Variants in NRG1 observed in about 807,000 individuals in gnomAD.
NRG1 encodes neuregulin 1.
NRG1 carries 18 observed loss-of-function variants against 63.8 expected under a neutral mutation model. The ratio of observed to expected loss-of-function variants is 0.28; its 90% CI spans 0.19 to 0.42. The LOEUF (loss-of-function observed/expected upper bound fraction) is 0.42, where lower values mean the gene tolerates loss of function less well. Among genes scored for constraint, NRG1 ranks in the 10% least tolerant of loss-of-function variants. The pLI is 1.00. For synonymous variants in NRG1, 302 were observed against 301.3 expected (o/e 1.00, Z -0.02); for missense variants, 762 against 814.7 (o/e 0.94, Z 0.79).
At chr8:32,595,268 C>A (rs957498322) in intron 1 of NRG1, among the ~76,000 whole-genome samples, 1 of 152,048 alleles carries the variant, frequency 6.6e-6, no homozygotes, top group African/African-American at 2.4e-5. Flanking sequence ...TGGCTCACTG[C>A]AGCATTGACC....
intron 1 of NRG1, among the ~76,000 whole-genome samples, chr8:31,978,505 A>T (rs1808559365): frequency 6.6e-6 from 1 of 152,080 alleles, no homozygotes; most frequent in Non-Finnish European, 1.5e-5. Flanking sequence ...TACTATTTTC[A>T]TGTCTTTCTA....
intron 1 of NRG1, among the ~76,000 whole-genome samples, chr8:31,992,341 G>A (rs1811241432): frequency 6.6e-6 from 1 of 151,974 alleles, no homozygotes; most frequent in South Asian, 2.1e-4. Flanking sequence ...AGAAATGTCT[G>A]ATGTTCAGTT....
At chr8:31,660,321 C>T (rs1412578800) in intron 1 of NRG1, among the ~76,000 whole-genome samples, 1 of 152,102 alleles carries the variant, frequency 6.6e-6, no homozygotes, top group African/African-American at 2.4e-5. Context: ...GATTAAGCCA[C>T]CATATCTCAC....
intron 1 of NRG1, among the ~76,000 whole-genome samples, chr8:32,038,372 G>T (rs1356064749): frequency 1.3e-5 from 2 of 152,042 alleles, no homozygotes; most frequent in South Asian, 2.1e-4. Context: ...GAATTTACTT[G>T]CTCTTTTTGT....
chr8:32,754,255 T>C (rs554566673), intron 7 of NRG1, 117 bp from the exon 8 acceptor site: 24 of 797,274 alleles, frequency 3.0e-5, no homozygotes, highest in Non-Finnish European at 4.3e-5. Flanking sequence ...AGAATTGTCA[T>C]GTATTTATTT....
At chr8:31,751,296 G>A (rs968732356) in intron 1 of NRG1, among the ~76,000 whole-genome samples, 3 of 152,000 alleles carry the variant, frequency 2.0e-5, no homozygotes. Flanking sequence ...AGAGGGTAGG[G>A]GAGTGAAGGA....
intron 1 of NRG1, among the ~76,000 whole-genome samples, chr8:31,840,345 C>CTT (rs1420982849): frequency 1.7e-5 from 1 of 59,040 alleles, no homozygotes; most frequent in African/African-American, 5.6e-5. Flanking sequence ...GTGCTATTCT[C>CTT]TGTCTTTTTT....
chr8:32,440,821 C>T (rs774929957), intron 1 of NRG1: 6 of 152,086 alleles, frequency 3.9e-5, no homozygotes, highest in East Asian at 1.9e-4. Context: ...TTAATTAAAA[C>T]GAAGGGCTGA....
At position 32,473,198 on chromosome 8, in the gene NRG1, C is replaced by T. The variant is rs377152655; in HGVS notation, c.38-122630C>T. On this transcript the variant is annotated intron_variant, in intron 1 of 10. Coordinates refer to the NRG1 transcript ENST00000519301. ...GTATGGAGAATGGACTGGATGAATG[C>T]GTGCTGTTACCAATGTGATAATTAC... is the stretch of plus-strand genomic sequence containing the variant. Among the ~76,000 whole-genome samples, 184 of 152,282 alleles carry T rather than the reference C, an allele frequency of 1.2e-3. 3 individuals carry two copies. The South Asian group carries it at 0.027, about 22-fold the overall frequency.
chr8:32,002,744 T>G (rs976455763), intron 1 of NRG1, among the ~76,000 whole-genome samples: 3 of 152,078 alleles, frequency 2.0e-5, no homozygotes, highest in Non-Finnish European at 2.9e-5. Flanking sequence ...GTAAAGAAAT[T>G]TATGTGTGTA....
chr8:31,735,468 C>T (rs186613289), intron 1 of NRG1, among the ~76,000 whole-genome samples: 60 of 151,968 alleles, frequency 3.9e-4, no homozygotes, highest in Middle Eastern at 6.8e-3. Flanking sequence ...TCTACATTTC[C>T]GCTTTTTGTA....
At chr8:32,657,117 A>G (rs533513094) in intron 5 of NRG1, among the ~76,000 whole-genome samples, 1 of 152,016 alleles carries the variant, frequency 6.6e-6, no homozygotes, top group South Asian at 2.1e-4. Context: ...ACATATATGC[A>G]TATGCATTTG....
At chr8:31,995,818 A>G (rs1401945744) in intron 1 of NRG1, among the ~76,000 whole-genome samples, 3 of 151,942 alleles carry the variant, frequency 2.0e-5, no homozygotes, top group African/African-American at 7.2e-5. Context: ...GTAGTAGTAC[A>G]TGCCAAATTC....
chr8:31,836,431 T>C (rs1825694194), intron 1 of NRG1, among the ~76,000 whole-genome samples: 1 of 152,148 alleles, frequency 6.6e-6, no homozygotes, highest in Admixed American at 6.5e-5. Context: ...TATTTAGCCA[T>C]TGATTCCCCT....
At chr8:32,340,179 T>A (rs2129478244) in intron 1 of NRG1, among the ~76,000 whole-genome samples, 1 of 152,294 alleles carries the variant, frequency 6.6e-6, no homozygotes, top group South Asian at 2.1e-4. Context: ...TTTTATAGTG[T>A]GCAACATTTA....
At chr8:31,931,039 T>G (rs1834815881) in intron 1 of NRG1, among the ~76,000 whole-genome samples, 1 of 152,128 alleles carries the variant, frequency 6.6e-6, no homozygotes, top group East Asian at 1.9e-4. Context: ...TGTTGTAGAG[T>G]TTGGATTCAA....
upstream of NRG1, among the ~76,000 whole-genome samples, chr8:32,546,607 T>C (rs1833098390): frequency 1.3e-5 from 2 of 152,234 alleles, no homozygotes; most frequent in Non-Finnish European, 2.9e-5. Flanking sequence ...GCTACTGAGA[T>C]ATATTCATCA....
chr8:32,252,554 A>G (rs886937073), intron 1 of NRG1, among the ~76,000 whole-genome samples: 5 of 152,052 alleles, frequency 3.3e-5, no homozygotes, highest in Non-Finnish European at 5.9e-5. Context: ...ATTGGTCTAT[A>G]TATCTGTTTT....
chr8:32,529,341 G>A (rs1006298534), intron 1 of NRG1, among the ~76,000 whole-genome samples: 2 of 152,192 alleles, frequency 1.3e-5, no homozygotes, highest in African/African-American at 4.8e-5. Flanking sequence ...TGAGTGAGTG[G>A]TAAGTGACCG....
Sources: gnomAD v4.1 joint callset for allele counts (sites outside exome capture counted in the v4.1 genomes callset) on GRCh38, gnomAD v4.1.1 for gene constraint, MANE v1.5 for transcripts, NCBI Gene and HGNC (gene_info 2026-07-23, HGNC 2026-07-21) for gene names.